PSME4: variants seen among roughly 807,000 people sequenced by gnomAD.
The protein encoded by PSME4 is proteasome activator complex subunit 4.
In PSME4, 89 loss-of-function variants were observed where a neutral mutation model predicts 253.9. The ratio of observed to expected loss-of-function variants is 0.35; its 90% CI spans 0.30 to 0.42. The LOEUF (loss-of-function observed/expected upper bound fraction) is 0.42, where lower values mean the gene tolerates loss of function less well. PSME4 is among the 10% of genes least tolerant of loss of function. The probability of loss-of-function intolerance (pLI) is 1.00; values close to 1 mark genes in which losing one functional copy is unlikely to be tolerated. For missense variants in PSME4, 2,014 were observed against 2,195.2 expected (o/e 0.92, Z 1.65); for synonymous variants, 851 against 759.2 (o/e 1.12, Z -1.99).
intron 1 of PSME4, among the ~76,000 whole-genome samples, chr2:53,967,214 C>G (rs1670777487): frequency 6.6e-6 from 1 of 152,208 alleles, no homozygotes; most frequent in Non-Finnish European, 1.5e-5. Context: ...CTTGACCAGA[C>G]AGTTCTAGTA....
At position 53,932,650 on chromosome 2, in the gene PSME4, C is replaced by T; in HGVS notation, c.1050+18G>A. 2 of 1,586,104 alleles carry T rather than the reference C, an allele frequency of 1.3e-6. No homozygotes were observed. The highest frequency in any genetic ancestry group is 1.1e-5 in the South Asian group (1 of 90,470). ...TTTAAAAATTCCAAGCCCTATAATG[C>T]AAAACGAAGTTACTCACCAGCCAGC... is the stretch of plus-strand genomic sequence containing the variant. On this transcript the variant is annotated intron_variant, in intron 9 of 46. Coordinates refer to ENST00000404125, the MANE Select transcript of PSME4 (RefSeq NM_014614.3).
intron 3 of PSME4, among the ~76,000 whole-genome samples, chr2:53,940,336 A>G (rs983154446): frequency 3.9e-5 from 6 of 152,146 alleles, no homozygotes; most frequent in Non-Finnish European, 7.3e-5. Flanking sequence ...AAAACTTCAA[A>G]TAATTTTTAC....
intron 29 of PSME4, among the ~76,000 whole-genome samples, chr2:53,898,839 T>C (rs1002469844): frequency 2.6e-5 from 4 of 152,166 alleles, no homozygotes; most frequent in African/African-American, 9.7e-5. Context: ...ATTTAAGTGC[T>C]TTGGTATCAA....
chr2:53,948,773 G>A (rs941317455), intron 2 of PSME4, among the ~76,000 whole-genome samples: 3 of 152,096 alleles, frequency 2.0e-5, no homozygotes, highest in Admixed American at 6.6e-5. Flanking sequence ...AATTTGTGTC[G>A]CCATTATTGT....
intron 41 of PSME4, among the ~76,000 whole-genome samples, 182 bp from the exon 42 acceptor site, chr2:53,875,937 T>G (rs1679095113): frequency 6.6e-6 from 1 of 152,086 alleles, no homozygotes; most frequent in Non-Finnish European, 1.5e-5. Flanking sequence ...AATGACAAAC[T>G]CATAATCTTT....
intron 26 of PSME4, among the ~76,000 whole-genome samples, chr2:53,905,526 C>A (rs755642462): frequency 4.6e-5 from 7 of 152,056 alleles, no homozygotes; most frequent in Non-Finnish European, 1.0e-4. Flanking sequence ...TACAACGAGA[C>A]CTTATCTCTA....
rs1669112699 is a variant in PSME4, at chr2:53,936,282, AGTTT to A, written c.760-125_760-122del. The A allele has an allele frequency of 6.8e-6, 9 of 1,331,446 alleles. No homozygotes were observed. In the South Asian group the frequency reaches 1.8e-4, roughly 26 times the overall value. The allele number at this position is 1,331,446 out of a possible 1,614,324, so 82.5% of individuals were successfully genotyped here. On this transcript the variant is annotated intron_variant, in intron 6 of 46. Coordinates refer to ENST00000404125, the MANE Select transcript of PSME4 (RefSeq NM_014614.3). The stretch of plus-strand genomic sequence containing the variant: ...ATTAGTGCAATCTACTTAAATAGAT[AGTTT>A]ATGACTTTGTTTTTTTTAAAACCTC...
At chr2:53,932,927 T>C (rs1325831344) in intron 8 of PSME4, 167 bp from the exon 9 acceptor site, 2 of 565,104 alleles carry the variant, frequency 3.5e-6, no homozygotes, top group African/African-American at 3.7e-5. Context: ...CCTGATGAAC[T>C]TCATGCAAAC....
intron 1 of PSME4, among the ~76,000 whole-genome samples, chr2:53,969,391 C>T (rs1670917492): frequency 6.6e-6 from 1 of 152,028 alleles, no homozygotes; most frequent in Non-Finnish European, 1.5e-5. Flanking sequence ...TGTCAGAGGC[C>T]CCTTAATAAT....
At position 53,937,724 on chromosome 2, in the gene PSME4, G is replaced by A. The variant is rs140197314; in HGVS notation, c.546-184C>T. On this transcript the variant is annotated intron_variant, in intron 4 of 46. Transcript: ENST00000404125. ...ACTAAAATAAATGCCCCAGTTGGGT[G>A]CAGTAGTTCATGCCTGTAATTCCAG... Among the ~76,000 whole-genome samples, 703 of 152,268 alleles carry A rather than the reference G, an allele frequency of 4.6e-3. 10 individuals carry two copies. Among genetic ancestry groups the A allele is most frequent in the African/African-American group, 0.016 (668 of 41,548 alleles).
intron 32 of PSME4, among the ~76,000 whole-genome samples, chr2:53,895,937 TC>T (rs1680118612): frequency 6.6e-6 from 1 of 152,174 alleles, no homozygotes; most frequent in Admixed American, 6.5e-5. Context: ...TTGTGTTGAA[TC>T]AGTTATTTTG....
chr2:53,925,795 A>C, intron 13 of PSME4, 106 bp from the exon 14 acceptor site: 1 of 1,283,916 alleles, frequency 7.8e-7, no homozygotes, highest in Non-Finnish European at 1.1e-6. Flanking sequence ...AGTGATAGCT[A>C]CTTAATTTCT....
chr2:53,966,828 T>G (rs1670761116), intron 1 of PSME4, among the ~76,000 whole-genome samples: 1 of 152,038 alleles, frequency 6.6e-6, no homozygotes, highest in Non-Finnish European at 1.5e-5. Flanking sequence ...GCCTCCTGAG[T>G]AGCTGGGATT....
chr2:53,890,353 C>G, intron 36 of PSME4, 145 bp from the exon 37 acceptor site: 3 of 618,812 alleles, frequency 4.8e-6, no homozygotes, highest in Non-Finnish European at 8.5e-6. Flanking sequence ...ATTGCCCAGG[C>G]TGGAGTGCAG....
At chr2:53,958,989 T>C (rs1670358096) in intron 1 of PSME4, among the ~76,000 whole-genome samples, 1 of 152,064 alleles carries the variant, frequency 6.6e-6, no homozygotes, top group Admixed American at 6.6e-5. Context: ...GTAAAATATT[T>C]AAACAAATGG....
rs146196012 is a variant in PSME4, at chr2:53,936,804, C to T, written c.719G>A (p.Gly240Asp). 61 of 1,595,060 alleles carry T rather than the reference C, an allele frequency of 3.8e-5. No individual in the cohort carries two copies. The highest frequency in any genetic ancestry group is 2.3e-4 in the Admixed American group (13 of 57,128). ...GAGATTTTGCACTGAAACCCAAAGGCCAATTAATTCATCAAACCAAAGTCT... is the reference window on the plus strand; with the variant it reads ...GAGATTTTGCACTGAAACCCAAAGGTCAATTAATTCATCAAACCAAAGTCT... ...GFKLWFDELIGLWVSVQNLPQ... is the reference protein window; with the variant it reads ...GFKLWFDELIDLWVSVQNLPQ... Residue 240 changes from glycine to aspartate, a missense_variant, in exon 6 of 47, where the codon GGC (glycine) becomes GAC (aspartate). Physicochemically the swap from Gly to Asp is moderately conservative, Grantham distance 94. Transcript: ENST00000404125.
chr2:53,898,632 G>GGC (rs1451459092), intron 29 of PSME4, among the ~76,000 whole-genome samples: 26 of 114,892 alleles, frequency 2.3e-4, no homozygotes, highest in Non-Finnish European at 3.9e-4. Flanking sequence ...AATTGGGAGT[G>GGC]GCACACACAC....
At position 53,908,273 on chromosome 2, in the gene PSME4, T is replaced by C. The variant is rs199939178; in HGVS notation, c.2784+47A>G. 1.2e-5 allele frequency: 17 copies of C among 1,453,686 alleles called. No individual in the cohort carries two copies. In the East Asian group the frequency reaches 3.9e-4, roughly 33 times the overall value. The allele number at this position is 1,453,686 out of a possible 1,614,324, so 90.0% of individuals were successfully genotyped here. A position where few individuals can be genotyped will look rare whatever the true frequency, so the allele number is the denominator to read the frequency against. ...TAATACCCAAATTACGAGGTTATTATACGACTTTAAAACAATTAGTGCAGA... is the reference window on the plus strand; with the variant it reads ...TAATACCCAAATTACGAGGTTATTACACGACTTTAAAACAATTAGTGCAGA... On this transcript the variant is annotated intron_variant, in intron 24 of 46. Coordinates refer to ENST00000404125, the MANE Select transcript of PSME4 (RefSeq NM_014614.3).
intron 21 of PSME4, 57 bp from the exon 22 acceptor site, chr2:53,908,897 A>T: frequency 7.6e-7 from 1 of 1,315,092 alleles, no homozygotes; most frequent in Non-Finnish European, 1.1e-6. Context: ...TCAGACTTTT[A>T]AAGTTTATAT....
Sources: gnomAD v4.1 joint callset for allele counts (sites outside exome capture counted in the v4.1 genomes callset) on GRCh38, gnomAD v4.1.1 for gene constraint, MANE v1.5 for transcripts, NCBI Gene and HGNC (gene_info 2026-07-23, HGNC 2026-07-21) for gene names.